Variants in VAV2 observed in about 807,000 individuals in gnomAD.
VAV2 encodes the protein vav guanine nucleotide exchange factor 2, also known as guanine nucleotide exchange factor VAV2.
Under a neutral mutation model 132.5 loss-of-function variants are expected in VAV2, and 67 were observed. That is an observed-to-expected ratio of 0.51 (90% CI 0.42 to 0.62). The LOEUF (loss-of-function observed/expected upper bound fraction) is 0.62. VAV2 is among the 20% of genes least tolerant of loss of function. The pLI is 0.00. For synonymous variants in VAV2, 492 were observed against 443.5 expected (o/e 1.11, Z -1.37); for missense variants, 938 against 1,153.6 (o/e 0.81, Z 2.71).
At position 133,763,902 on chromosome 9, in the gene VAV2, G is replaced by A; in HGVS notation, c.*160C>T. On this transcript the variant is annotated 3_prime_UTR_variant, in exon 30 of 30. Transcript: ENST00000371850. The surrounding 1 kb of genome is among the most constrained non-coding windows in gnomAD (Gnocchi z 6.8). The stretch of plus-strand genomic sequence containing the variant: ...CCGAGGGCAGGCTGACAGTGAAACG[G>A]TTCGAGTTTAGGATTCTCAACACCC... 1 of 849,290 alleles carries A rather than the reference G, an allele frequency of 1.2e-6. No individual in the cohort carries two copies. Among genetic ancestry groups the A allele is most frequent in the Non-Finnish European group, 1.9e-6 (1 of 536,466 alleles). 52.6% of individuals were successfully genotyped at this position (849,290 alleles called of 1,614,324 possible).
chr9:133,768,299 G>T lies in VAV2; in HGVS notation c.2589+143C>A. On this transcript the variant is annotated intron_variant, in intron 29 of 29. Coordinates refer to ENST00000371850, the MANE Select transcript of VAV2 (RefSeq NM_001134398.2). This position sits in a 1 kb window ranked among gnomAD's most constrained non-coding sequence, Gnocchi z 5.3. Reference sequence around the variant, plus strand: ...CCTGTGAATGCCAACCTTCTGGGCTGCTGTGAGGATGAGGGAGATTGCAGA... The same window carrying T: ...CCTGTGAATGCCAACCTTCTGGGCTTCTGTGAGGATGAGGGAGATTGCAGA... 1.7e-6 allele frequency: 2 copies of T among 1,194,234 alleles called. No individual in the cohort carries two copies. Among genetic ancestry groups the T allele is most frequent in the South Asian group, 1.6e-5 (1 of 63,564 alleles). 74.0% of individuals were successfully genotyped at this position (1,194,234 alleles called of 1,614,324 possible). A position where few individuals can be genotyped will look rare whatever the true frequency, so the allele number is the denominator to read the frequency against.
In VAV2 at chr9:133,930,551, G is replaced by A. The variant is rs903603339; in HGVS notation, c.321+8552C>T. 5.2e-5 allele frequency among the ~76,000 whole-genome samples: 8 copies of A among 152,386 alleles called. No homozygotes were observed. The East Asian group carries it at 1.5e-3, about 29-fold the overall frequency. On this transcript the variant is annotated intron_variant, in intron 2 of 29. Coordinates refer to ENST00000371850, the MANE Select transcript of VAV2 (RefSeq NM_001134398.2). Reference sequence around the variant, plus strand: ...CTGTGCTGCGTGCAACAGCTGCCTTGCTAGTCAGAGGGAAGAGGGCACAGC... The same window carrying A: ...CTGTGCTGCGTGCAACAGCTGCCTTACTAGTCAGAGGGAAGAGGGCACAGC...
At chr9:133,902,089 G>A (rs995776559) in intron 2 of VAV2, among the ~76,000 whole-genome samples, 2 of 145,652 alleles carry the variant, frequency 1.4e-5, no homozygotes, top group East Asian at 2.0e-4. Context: ...ACACAGTTTC[G>A]TCAGGACCAT....
intron 2 of VAV2, among the ~76,000 whole-genome samples, chr9:133,869,796 A>G (rs1355852940): frequency 6.6e-6 from 1 of 152,060 alleles, no homozygotes; most frequent in Non-Finnish European, 1.5e-5. Flanking sequence ...CCAGCCGCAG[A>G]CCTTCCTTAT....
At chr9:133,910,442 C>T (rs919464902) in intron 2 of VAV2, among the ~76,000 whole-genome samples, 3 of 152,046 alleles carry the variant, frequency 2.0e-5, no homozygotes. Context: ...CTCATGTAAC[C>T]GGCACCAAGC....
intron 1 of VAV2, among the ~76,000 whole-genome samples, chr9:133,956,603 GA>G (rs1326352987): frequency 6.6e-6 from 1 of 152,234 alleles, no homozygotes; most frequent in African/African-American, 2.4e-5. Flanking sequence ...TAGTTCCTGA[GA>G]AGTCAGAAAA....
At chr9:133,930,152 C>A (rs1241186791) in intron 2 of VAV2, among the ~76,000 whole-genome samples, 4 of 152,224 alleles carry the variant, frequency 2.6e-5, no homozygotes, top group Non-Finnish European at 4.4e-5. Flanking sequence ...CAGCGCCCTC[C>A]CCTCCAGGGT....
chr9:133,867,564 G>T (rs1837856267), intron 2 of VAV2, among the ~76,000 whole-genome samples: 1 of 152,156 alleles, frequency 6.6e-6, no homozygotes, highest in Non-Finnish European at 1.5e-5. Flanking sequence ...GGACCCCCTG[G>T]CAGGGCCAGC....
chr9:133,815,498 T>TG (rs1835521037), intron 4 of VAV2, among the ~76,000 whole-genome samples: 1 of 152,132 alleles, frequency 6.6e-6, no homozygotes, highest in Non-Finnish European at 1.5e-5. Flanking sequence ...TTCTGACTGT[T>TG]CTTCACCACA....
chr9:133,879,751 G>A lies in VAV2; in HGVS notation c.322-18319C>T, dbSNP rs1838413301. Among the ~76,000 whole-genome samples the A allele has an allele frequency of 6.6e-6, 1 of 152,010 alleles. No homozygotes were observed. On this transcript the variant is annotated intron_variant, in intron 2 of 29. Transcript: ENST00000371850. The surrounding 1 kb of genome is among the most constrained non-coding windows in gnomAD (Gnocchi z 4.4). The stretch of plus-strand genomic sequence containing the variant: ...ATCCCTACCGCCTTGCGAGCTGCAA[G>A]TCCGATCTGTGCAATGTGAGCCCCT...
At chr9:133,865,776 G>A (rs1262968243) in intron 2 of VAV2, among the ~76,000 whole-genome samples, 3 of 152,206 alleles carry the variant, frequency 2.0e-5, no homozygotes, top group Admixed American at 2.0e-4. Flanking sequence ...TATGTATTGT[G>A]TATAAACACA....
At chr9:133,929,975 G>A (rs1341847011) in intron 2 of VAV2, among the ~76,000 whole-genome samples, 1 of 152,228 alleles carries the variant, frequency 6.6e-6, no homozygotes, top group African/African-American at 2.4e-5. Flanking sequence ...TAAAAGTGGA[G>A]CTATTCCGAT....
At chr9:133,848,049 G>A (rs1019204159) in intron 3 of VAV2, among the ~76,000 whole-genome samples, 6 of 152,092 alleles carry the variant, frequency 3.9e-5, no homozygotes, top group African/African-American at 7.2e-5. Context: ...AGGCCGAGAC[G>A]GGCGGATCAC....
chr9:133,989,545 C>T (rs1463511785), intron 1 of VAV2, among the ~76,000 whole-genome samples: 4 of 146,160 alleles, frequency 2.7e-5, no homozygotes, highest in Non-Finnish European at 6.0e-5. Context: ...AAAAGCTGGG[C>T]GTGGTGGAGC....
rs1310444499 is a variant in VAV2 at position 133,809,130 on chromosome 9, G to A, written c.576C>T (p.Gly192=). ...QPMIRYMQKM[G]MTEDDKRNCC... is the part of the protein sequence containing the mutation. ...AGTTCCTCTTGTCATCTTCAGTCATGCCCATTTTCTAGAGGAGGGAAGGGG... is the reference window on the plus strand; with the variant it reads ...AGTTCCTCTTGTCATCTTCAGTCATACCCATTTTCTAGAGGAGGGAAGGGG... The change falls in exon 7 of 30, where the codon GGC becomes GGT. Residue 192 remains glycine, a synonymous_variant. Coordinates refer to ENST00000371850, the MANE Select transcript of VAV2 (RefSeq NM_001134398.2). 6 of 1,613,690 alleles carry A rather than the reference G, an allele frequency of 3.7e-6. No individual in the cohort carries two copies. The highest frequency in any genetic ancestry group is 5.1e-6 in the Non-Finnish European group (6 of 1,179,910).
chr9:133,898,345 T>C (rs1839298680), intron 2 of VAV2, among the ~76,000 whole-genome samples: 1 of 151,810 alleles, frequency 6.6e-6, no homozygotes, highest in African/African-American at 2.4e-5. Flanking sequence ...TCCCAGCACT[T>C]TGGGAGGCTG....
chr9:133,783,630 G>A (rs1834096497), intron 18 of VAV2, 39 bp from the exon 19 acceptor site: 1 of 1,602,010 alleles, frequency 6.2e-7, no homozygotes, highest in Non-Finnish European at 8.5e-7. Flanking sequence ...CGAGGCTGGG[G>A]TCGGCTCCTC....
chr9:133,818,838 C>T lies in VAV2; in HGVS notation c.450-6622G>A, dbSNP rs533100791. 7.9e-5 allele frequency among the ~76,000 whole-genome samples: 12 copies of T among 152,206 alleles called. No individual in the cohort carries two copies. The South Asian group carries it at 1.7e-3, about 21-fold the overall frequency. ...TGCGTTTGGTGATTTCTTTCTTGGA[C>T]CCGAGATGCTATGAACGATACTCAG... On this transcript the variant is annotated intron_variant, in intron 4 of 29. Coordinates refer to ENST00000371850, the MANE Select transcript of VAV2 (RefSeq NM_001134398.2).
At chr9:133,983,637 A>T (rs901106508) in intron 1 of VAV2, among the ~76,000 whole-genome samples, 1 of 151,452 alleles carries the variant, frequency 6.6e-6, no homozygotes, top group Admixed American at 6.6e-5. Context: ...AACGCTCGGC[A>T]GAGAACTCTC....
Sources: gnomAD v4.1 joint callset for allele counts (sites outside exome capture counted in the v4.1 genomes callset) on GRCh38, gnomAD v4.1.1 for gene constraint, Gnocchi (gnomAD v3.1) non-coding constraint, MANE v1.5 for transcripts, NCBI Gene and HGNC (gene_info 2026-07-23, HGNC 2026-07-21) for gene names.